Variants in KLF12 observed in about 807,000 individuals in gnomAD.
KLF12 encodes Krueppel-like factor 12.
Under a neutral mutation model 37.8 loss-of-function variants are expected in KLF12, and 9 were observed. The ratio of observed to expected loss-of-function variants is 0.24; its 90% CI spans 0.14 to 0.42. The LOEUF (loss-of-function observed/expected upper bound fraction) is 0.42, where lower values mean the gene tolerates loss of function less well. Among genes scored for constraint, KLF12 ranks in the 10% least tolerant of loss-of-function variants. KLF12 has a pLI of 1.00. For missense variants in KLF12, 411 were observed against 516.0 expected, an observed-to-expected ratio of 0.80 and a Z score of 1.97; for synonymous variants, 208 against 202.1, an observed-to-expected ratio of 1.03 and a Z score of -0.25.
intron 4 of KLF12, among the ~76,000 whole-genome samples, chr13:73,815,313 T>C (rs1883157196): frequency 6.6e-6 from 1 of 152,172 alleles, no homozygotes. Flanking sequence ...GGAACCATTA[T>C]CATTTAAGAT....
chr13:73,840,358 C>T (rs1387855994), intron 4 of KLF12, among the ~76,000 whole-genome samples: 1 of 152,092 alleles, frequency 6.6e-6, no homozygotes, highest in East Asian at 1.9e-4. Context: ...CTGAGATGAT[C>T]CCTAGTGGTA....
chr13:74,006,915 C>A (rs1383529600), intron 1 of KLF12, among the ~76,000 whole-genome samples: 1 of 152,204 alleles, frequency 6.6e-6, no homozygotes. Flanking sequence ...ACATACCTGG[C>A]TAATGTTTGA....
intron 3 of KLF12, among the ~76,000 whole-genome samples, chr13:73,943,170 G>A (rs2139364096): frequency 6.6e-6 from 1 of 152,242 alleles, no homozygotes; most frequent in African/African-American, 2.4e-5. Flanking sequence ...CACTGATAAG[G>A]TAAAGATTAT....
At chr13:73,712,493 G>A (rs1182710150) in intron 7 of KLF12, among the ~76,000 whole-genome samples, 1 of 152,132 alleles carries the variant, frequency 6.6e-6, no homozygotes, top group Non-Finnish European at 1.5e-5. Context: ...CAGTGAAGAT[G>A]CTGTCAACAC....
At chr13:73,798,772 T>C (rs1315405556) in intron 5 of KLF12, among the ~76,000 whole-genome samples, 1 of 152,114 alleles carries the variant, frequency 6.6e-6, no homozygotes, top group Non-Finnish European at 1.5e-5. Flanking sequence ...CAGATGCTGG[T>C]GAGTTTGCAG....
At chr13:73,833,094 G>T (rs150603369) in intron 4 of KLF12, among the ~76,000 whole-genome samples, 1 of 152,152 alleles carries the variant, frequency 6.6e-6, no homozygotes, top group African/African-American at 2.4e-5. Context: ...AATTTGTTTC[G>T]CCCTGAGTGG....
intron 4 of KLF12, among the ~76,000 whole-genome samples, chr13:73,837,792 C>A (rs1185323659): frequency 1.3e-5 from 2 of 152,170 alleles, no homozygotes; most frequent in Non-Finnish European, 2.9e-5. Context: ...GAAGAATTAA[C>A]CTATGGCTAG....
At chr13:74,043,516 G>C (rs1322409858) in intron 1 of KLF12, among the ~76,000 whole-genome samples, 1 of 152,160 alleles carries the variant, frequency 6.6e-6, no homozygotes, top group Non-Finnish European at 1.5e-5. Flanking sequence ...GTAATGGTTT[G>C]ACTGATTTTT....
chr13:73,993,908 C>A (rs1892036284), intron 2 of KLF12, among the ~76,000 whole-genome samples: 1 of 152,170 alleles, frequency 6.6e-6, no homozygotes, highest in African/African-American at 2.4e-5. Context: ...ACCACTGATC[C>A]ACATGCAAAT....
intron 6 of KLF12, among the ~76,000 whole-genome samples, chr13:73,723,547 G>A (rs556777666): frequency 1.3e-5 from 2 of 151,792 alleles, no homozygotes; most frequent in Admixed American, 6.6e-5. Context: ...TATTTTAATC[G>A]GAATGCCTTA....
chr13:74,221,108 C>T, the KLF12 span, among the ~76,000 whole-genome samples: 27 of 151,730 alleles, frequency 1.8e-4, no homozygotes, highest in Admixed American at 1.8e-3. Flanking sequence ...GGGTTCACGC[C>T]ATTCTCCTGC....
At chr13:73,764,819 C>T (rs1879801533) in intron 6 of KLF12, 119 bp downstream of exon 6, 2 of 588,664 alleles carry the variant, frequency 3.4e-6, no homozygotes, top group Admixed American at 5.4e-5. Flanking sequence ...ACCGCATAGT[C>T]CAGTTAGCAG....
chr13:73,905,652 C>T (rs1360183779), intron 3 of KLF12, among the ~76,000 whole-genome samples: 3 of 151,844 alleles, frequency 2.0e-5, no homozygotes, highest in African/African-American at 7.3e-5. Flanking sequence ...TTGCAGTACA[C>T]ACATAAAAGC....
intron 5 of KLF12, among the ~76,000 whole-genome samples, chr13:73,806,995 T>C (rs1882675037): frequency 1.3e-5 from 2 of 151,930 alleles, no homozygotes; most frequent in African/African-American, 4.8e-5. Context: ...TCTTTGACTG[T>C]TAAATACAGT....
chr13:73,929,554 C>T (rs997663638), intron 3 of KLF12, among the ~76,000 whole-genome samples: 1 of 152,164 alleles, frequency 6.6e-6, no homozygotes, highest in Non-Finnish European at 1.5e-5. Context: ...AACAGAATCC[C>T]CTCCGTATAG....
intron 1 of KLF12, among the ~76,000 whole-genome samples, chr13:74,001,532 G>C (rs1295690643): frequency 6.6e-6 from 1 of 152,168 alleles, no homozygotes; most frequent in Non-Finnish European, 1.5e-5. Flanking sequence ...ACACAATCAA[G>C]AAAAAATAAG....
chr13:74,051,416 A>G (rs975985599), intron 1 of KLF12, among the ~76,000 whole-genome samples: 2 of 151,688 alleles, frequency 1.3e-5, no homozygotes, highest in Non-Finnish European at 2.9e-5. Flanking sequence ...AACTCTGCAC[A>G]TTTAGGGACA....
At chr13:74,107,445 C>T (rs1372562226) in intron 1 of KLF12, among the ~76,000 whole-genome samples, 1 of 152,226 alleles carries the variant, frequency 6.6e-6, no homozygotes, top group Non-Finnish European at 1.5e-5. Flanking sequence ...GTAACAATAT[C>T]TCTACAGAAA....
intron 1 of KLF12, among the ~76,000 whole-genome samples, chr13:74,031,880 C>T (rs1402131472): frequency 2.6e-5 from 4 of 152,072 alleles, no homozygotes; most frequent in Non-Finnish European, 5.9e-5. Context: ...AAATGTCGGG[C>T]TAAGCAACTA....
Sources: allele counts gnomAD v4.1 joint callset (sites outside exome capture counted in the v4.1 genomes callset), GRCh38; gene constraint gnomAD v4.1.1; transcripts MANE v1.5; gene names NCBI Gene and HGNC (gene_info 2026-07-23, HGNC 2026-07-21).